CENPK: variants seen among roughly 807,000 people sequenced by gnomAD.
The protein encoded by CENPK is SoxLZ/Sox6-binding protein Solt.
Under a neutral mutation model 40.9 loss-of-function variants are expected in CENPK, and 46 were observed. The observed-to-expected ratio is 1.13, with a 90% CI of 0.89 to 1.44. The LOEUF (loss-of-function observed/expected upper bound fraction) is 1.44. Among genes scored for constraint, CENPK ranks in the 40% most tolerant of loss-of-function variants. The probability of loss-of-function intolerance (pLI) is 0.00; values close to 1 mark genes in which losing one functional copy is unlikely to be tolerated. For synonymous variants in CENPK, 107 were observed against 104.4 expected (o/e 1.02, Z -0.15); for missense variants, 288 against 303.5 (o/e 0.95, Z 0.38).
chr5:65,500,799 A>T, the CENPK span, among the ~76,000 whole-genome samples: 1 of 152,122 alleles, frequency 6.6e-6, no homozygotes, highest in Non-Finnish European at 1.5e-5. Context: ...AGTAGCTGGG[A>T]CTACAGGTAC....
chr5:65,516,294 G>A (rs1742850695), downstream of CENPK, among the ~76,000 whole-genome samples: 1 of 152,158 alleles, frequency 6.6e-6, no homozygotes, highest in Non-Finnish European at 1.5e-5. Context: ...TAAACTGATT[G>A]ATATAAATTA....
chr5:65,549,392 C>A (rs973199584), intron 5 of CENPK, among the ~76,000 whole-genome samples: 1 of 152,164 alleles, frequency 6.6e-6, no homozygotes, highest in Non-Finnish European at 1.5e-5. Context: ...TTGGTTTTAA[C>A]TCAGAGTCAC....
At chr5:65,519,512 C>T (rs1347505687) in intron 10 of CENPK, among the ~76,000 whole-genome samples, 1 of 152,154 alleles carries the variant, frequency 6.6e-6, no homozygotes, top group Non-Finnish European at 1.5e-5. Context: ...TCCTCAGGGG[C>T]ACATAATCAG....
the CENPK span, among the ~76,000 whole-genome samples, chr5:65,500,260 G>A: frequency 1.1e-5 from 1 of 94,080 alleles, no homozygotes; most frequent in Admixed American, 1.2e-4. Context: ...TTCCACAATG[G>A]TTGAACTAGT....
the CENPK span, among the ~76,000 whole-genome samples, chr5:65,498,400 TTTTATCAG>T: frequency 6.6e-6 from 1 of 151,972 alleles, no homozygotes. Flanking sequence ...GGTATTGACA[TTTTATCAG>T]TTTGAATGAA....
chr5:65,523,501 T>C (rs1240196178), intron 9 of CENPK, among the ~76,000 whole-genome samples: 1 of 152,130 alleles, frequency 6.6e-6, no homozygotes, highest in Non-Finnish European at 1.5e-5. Context: ...TATGTATGAT[T>C]CCTAAATCAA....
At chr5:65,535,646 A>G (rs988780070) in intron 6 of CENPK, among the ~76,000 whole-genome samples, 1 of 152,156 alleles carries the variant, frequency 6.6e-6, no homozygotes, top group African/African-American at 2.4e-5. Context: ...GCGCATCCAC[A>G]CAACTCTACT....
the CENPK span, among the ~76,000 whole-genome samples, chr5:65,498,634 C>CTT: frequency 7.5e-6 from 1 of 132,788 alleles, no homozygotes. Context: ...TTTCTTTTTT[C>CTT]TTTTTTTTTT....
the CENPK span, among the ~76,000 whole-genome samples, chr5:65,512,154 GA>G: frequency 2.0e-5 from 3 of 152,218 alleles, no homozygotes; most frequent in Non-Finnish European, 4.4e-5. Flanking sequence ...TTGAACAGAT[GA>G]GGAGTTAATT....
chr5:65,529,295 A>G, intron 6 of CENPK, 96 bp from the exon 7 acceptor site: 1 of 767,192 alleles, frequency 1.3e-6, no homozygotes, highest in East Asian at 2.7e-5. Context: ...GGATACTTCC[A>G]TTCAGACATC....
the CENPK span, among the ~76,000 whole-genome samples, chr5:65,497,138 C>T: frequency 1.3e-4 from 19 of 150,540 alleles, no homozygotes; most frequent in Non-Finnish European, 1.0e-4. Context: ...GAGGCTGAGG[C>T]GGGCGGACTA....
chr5:65,518,509 G>T lies in CENPK; in HGVS notation c.776C>A (p.Pro259Gln). The change falls in exon 11 of 11, where the codon CCA (proline) becomes CAA (glutamine). Residue 259 changes from proline to glutamine, a missense_variant. Transcript: ENST00000396679. ...GAAAGCTTCTAATCTTATTCGGGTT[G>T]GATCTTCTGGATGTCTCAAGGCAAT... The part of the protein sequence containing the change: ...NGIALRHPED[P>Q]TRIRLEAFHQ 1 of 1,612,440 alleles carries T rather than the reference G, an allele frequency of 6.2e-7. No homozygotes were observed. The highest frequency in any genetic ancestry group is 1.1e-5 in the South Asian group (1 of 90,588).
At chr5:65,496,627 A>C in the CENPK span, among the ~76,000 whole-genome samples, 1 of 152,158 alleles carries the variant, frequency 6.6e-6, no homozygotes, top group Non-Finnish European at 1.5e-5. Context: ...CACATGTCAT[A>C]CAGTTAGGAT....
At chr5:65,561,859 C>T (rs1161506161) in intron 1 of CENPK, among the ~76,000 whole-genome samples, 1 of 152,144 alleles carries the variant, frequency 6.6e-6, no homozygotes, top group Non-Finnish European at 1.5e-5. Context: ...TTCTAAAATA[C>T]ATTCATTTAT....
chr5:65,496,827 G>A, the CENPK span, among the ~76,000 whole-genome samples: 1 of 152,056 alleles, frequency 6.6e-6, no homozygotes, highest in East Asian at 1.9e-4. Flanking sequence ...GCCGAGGTAG[G>A]TAGATCACAA....
chr5:65,545,664 C>T (rs1748807792), intron 5 of CENPK, among the ~76,000 whole-genome samples: 1 of 152,042 alleles, frequency 6.6e-6, no homozygotes, highest in South Asian at 2.1e-4. Flanking sequence ...GAAGGAAGAA[C>T]AATAGAAAGA....
At chr5:65,554,471 C>A (rs1340915563) in intron 3 of CENPK, among the ~76,000 whole-genome samples, 3 of 152,250 alleles carry the variant, frequency 2.0e-5, no homozygotes, top group East Asian at 1.9e-4. Flanking sequence ...ATCCTTGACC[C>A]CTTCACCGGG....
At chr5:65,530,259 A>G (rs552313251) in intron 6 of CENPK, among the ~76,000 whole-genome samples, 100 of 152,304 alleles carry the variant, frequency 6.6e-4, no homozygotes, top group Non-Finnish European at 1.2e-3. Context: ...CAGAACAAAG[A>G]GGGGAATCCA....
intron 2 of CENPK, 91 bp from the exon 3 acceptor site, chr5:65,555,037 G>A: frequency 1.5e-6 from 1 of 645,782 alleles, no homozygotes; most frequent in Non-Finnish European, 2.7e-6. Context: ...ATATAGCAAT[G>A]AACAAAATAG....
Sources: allele counts gnomAD v4.1 joint callset (sites outside exome capture counted in the v4.1 genomes callset), GRCh38; gene constraint gnomAD v4.1.1; transcripts MANE v1.5; gene names NCBI Gene and HGNC (gene_info 2026-07-23, HGNC 2026-07-21).